WDR43: variants seen among roughly 807,000 people sequenced by gnomAD.
WDR43 encodes the protein WD repeat-containing protein 43.
Under a neutral mutation model 91.4 loss-of-function variants are expected in WDR43, and 13 were observed. That is an observed-to-expected ratio of 0.14 (90% confidence interval 0.09 to 0.23). WDR43 has a LOEUF of 0.23. Among genes scored for constraint, WDR43 ranks in the 10% least tolerant of loss-of-function variants. The pLI is 1.00. For synonymous variants in WDR43, 331 were observed against 287.9 expected, an observed-to-expected ratio of 1.15 and a Z score of -1.51; for missense variants, 780 against 809.4, an observed-to-expected ratio of 0.96 and a Z score of 0.44.
intron 2 of WDR43, among the ~76,000 whole-genome samples, chr2:28,902,525 T>C (rs914381192): frequency 1.3e-5 from 2 of 152,228 alleles, no homozygotes; most frequent in Non-Finnish European, 2.9e-5. Context: ...AGTGGCCCCA[T>C]GGGCATGGGA....
At chr2:28,929,756 C>T in intron 11 of WDR43, 46 bp downstream of exon 11, 2 of 1,570,378 alleles carry the variant, frequency 1.3e-6, no homozygotes, top group Non-Finnish European at 1.7e-6. Context: ...GTTAATATTT[C>T]TTAGAAAATG....
intron 16 of WDR43, among the ~76,000 whole-genome samples, chr2:28,944,379 A>G (rs1352287412): frequency 6.6e-6 from 1 of 152,240 alleles, no homozygotes; most frequent in East Asian, 1.9e-4. Flanking sequence ...TGTGATAAAT[A>G]TAGATAGACT....
chr2:28,935,269 A>G (rs1235329222), intron 11 of WDR43, among the ~76,000 whole-genome samples: 1 of 152,198 alleles, frequency 6.6e-6, no homozygotes, highest in Admixed American at 6.5e-5. Context: ...TAAAACACAA[A>G]GAAGTAAAAT....
intron 12 of WDR43, 89 bp downstream of exon 12, chr2:28,935,696 A>G: frequency 1.3e-6 from 1 of 779,290 alleles, no homozygotes; most frequent in South Asian, 2.4e-5. Context: ...TGTAATACGT[A>G]AGGACACATG....
chr2:28,895,288 C>G (rs1351786707), intron 1 of WDR43: 1 of 203,852 alleles, frequency 4.9e-6, no homozygotes, highest in African/African-American at 2.3e-5. Flanking sequence ...GACAGAGCCC[C>G]ATCTTGGGAC....
Position 28,906,460 on chromosome 2 carries a change from A to C in WDR43, c.364A>C (p.Ser122Arg). The C allele has an allele frequency of 1.3e-6, 2 of 1,547,236 alleles. No individual in the cohort carries two copies. Among genetic ancestry groups the C allele is most frequent in the East Asian group, 2.4e-5 (1 of 41,354 alleles). Reference protein sequence around the residue: ...VKGELHSKLISGGHDNRVNCI... With the variant: ...VKGELHSKLIRGGHDNRVNCI... ...TTTTTTTTTTTTTTTTAATCTACAGAGTGGTGGACATGACAACAGAGTCAA... is the reference window on the plus strand; with the variant it reads ...TTTTTTTTTTTTTTTTAATCTACAGCGTGGTGGACATGACAACAGAGTCAA... Residue 122 changes from serine (S) to arginine (R), a missense_variant and splice_region_variant, in exon 3 of 18, where the codon AGT becomes CGT. Physicochemically the swap from Ser to Arg is moderately radical, Grantham distance 110. Transcript: ENST00000407426.
chr2:28,921,755 A>G (rs1671030556), intron 6 of WDR43, among the ~76,000 whole-genome samples: 1 of 152,138 alleles, frequency 6.6e-6, no homozygotes, highest in Non-Finnish European at 1.5e-5. Flanking sequence ...CCTGTTGTCC[A>G]GGCTGGAGTG....
At chr2:28,946,090 C>A (rs1056765078) in intron 16 of WDR43, among the ~76,000 whole-genome samples, 2 of 152,060 alleles carry the variant, frequency 1.3e-5, no homozygotes, top group African/African-American at 4.8e-5. Context: ...AATCCCAGCA[C>A]TTTGGGAGGC....
chr2:28,925,389 A>G (rs1276970146), intron 8 of WDR43, among the ~76,000 whole-genome samples: 2 of 152,176 alleles, frequency 1.3e-5, no homozygotes, highest in African/African-American at 2.4e-5. Flanking sequence ...CTCCCTTGGT[A>G]CTATGTTTTA....
chr2:28,946,837 G>C lies in WDR43; in HGVS notation c.*58G>C, dbSNP rs1360388010. 1 of 1,480,348 alleles carries C rather than the reference G, an allele frequency of 6.8e-7. No individual in the cohort carries two copies. The highest frequency in any genetic ancestry group is 8.9e-7 in the Non-Finnish European group (1 of 1,120,508). The allele number at this position is 1,480,348 out of a possible 1,614,324, so 91.7% of individuals were successfully genotyped here. A position where few individuals can be genotyped will look rare whatever the true frequency, so the allele number is the denominator to read the frequency against. ...ACTCTGGCTCACCTTGCCCAGTGGTGAGGGCTGCCTCTGTGCCAGGATGCC... is the reference window on the plus strand; with the variant it reads ...ACTCTGGCTCACCTTGCCCAGTGGTCAGGGCTGCCTCTGTGCCAGGATGCC... On this transcript the variant is annotated 3_prime_UTR_variant, in exon 18 of 18. Coordinates refer to ENST00000407426, the MANE Select transcript of WDR43 (RefSeq NM_015131.3).
At chr2:28,907,069 G>C (rs1409027132) in intron 3 of WDR43, among the ~76,000 whole-genome samples, 1 of 152,200 alleles carries the variant, frequency 6.6e-6, no homozygotes, top group African/African-American at 2.4e-5. Flanking sequence ...ATGGGTCAAA[G>C]GATCCTAAGA....
intron 5 of WDR43, among the ~76,000 whole-genome samples, chr2:28,916,815 A>C (rs1374978611): frequency 3.3e-5 from 5 of 151,926 alleles, no homozygotes; most frequent in Middle Eastern, 3.2e-3. Context: ...TGTTTATATT[A>C]TTTATATTGT....
At chr2:28,910,913 G>T (rs1052523099) in intron 3 of WDR43, among the ~76,000 whole-genome samples, 1 of 151,882 alleles carries the variant, frequency 6.6e-6, no homozygotes, top group Non-Finnish European at 1.5e-5. Flanking sequence ...GTTCAGGCTG[G>T]TCTTGAACTC....
At chr2:28,905,810 A>G (rs1349728964) in intron 2 of WDR43, among the ~76,000 whole-genome samples, 2 of 151,942 alleles carry the variant, frequency 1.3e-5, no homozygotes, top group African/African-American at 4.8e-5. Context: ...GATTACAGGC[A>G]TGTGCTACCA....
chr2:28,941,740 G>A (rs1170621369), intron 15 of WDR43, among the ~76,000 whole-genome samples, 166 bp downstream of exon 15: 8 of 152,100 alleles, frequency 5.3e-5, no homozygotes, highest in Admixed American at 3.9e-4. Context: ...CAAGTAGCTG[G>A]GACTACACGG....
intron 6 of WDR43, among the ~76,000 whole-genome samples, chr2:28,922,466 C>A (rs909411259): frequency 6.6e-6 from 1 of 152,120 alleles, no homozygotes; most frequent in Non-Finnish European, 1.5e-5. Flanking sequence ...CGAGGGCTTA[C>A]AACAACCCTT....
intron 15 of WDR43, among the ~76,000 whole-genome samples, chr2:28,941,929 C>G (rs1397357142): frequency 6.6e-6 from 1 of 152,168 alleles, no homozygotes; most frequent in Non-Finnish European, 1.5e-5. Context: ...ATTGGTAAAT[C>G]AGGATCTAGT....
intron 16 of WDR43, among the ~76,000 whole-genome samples, chr2:28,945,476 TTGG>T (rs1352375307): frequency 1.3e-5 from 2 of 152,240 alleles, no homozygotes; most frequent in African/African-American, 2.4e-5. Context: ...TGACATGGAC[TTGG>T]TGAAGAGACT....
chr2:28,911,831 C>T (rs1670807091), intron 3 of WDR43, among the ~76,000 whole-genome samples: 1 of 150,830 alleles, frequency 6.6e-6, no homozygotes, highest in Non-Finnish European at 1.5e-5. Context: ...GCTGTATTGC[C>T]CAGACTGGTC....
Sources: gnomAD v4.1 joint callset for allele counts (sites outside exome capture counted in the v4.1 genomes callset) on GRCh38, gnomAD v4.1.1 for gene constraint, MANE v1.5 for transcripts, NCBI Gene and HGNC (gene_info 2026-07-23, HGNC 2026-07-21) for gene names.